SHISA6: variants seen among roughly 807,000 people sequenced by gnomAD.
SHISA6 encodes the protein shisa family member 6.
Under a neutral mutation model 47.9 loss-of-function variants are expected in SHISA6, and 22 were observed. The observed-to-expected ratio is 0.46, with a 90% confidence interval of 0.33 to 0.66. The LOEUF (loss-of-function observed/expected upper bound fraction) is 0.66. Among genes scored for constraint, SHISA6 ranks in the 30% least tolerant of loss-of-function variants. The pLI is 0.02. For missense variants in SHISA6, 680 were observed against 764.6 expected, an observed-to-expected ratio of 0.89 and a Z score of 1.30; for synonymous variants, 388 against 337.8, an observed-to-expected ratio of 1.15 and a Z score of -1.63.
At chr17:11,375,727 T>C (rs1040018975) in intron 2 of SHISA6, among the ~76,000 whole-genome samples, 18 of 152,170 alleles carry the variant, frequency 1.2e-4, no homozygotes, top group African/African-American at 3.9e-4. Context: ...CTAGGACTTC[T>C]GAATTGTGCT....
At chr17:11,260,830 G>A (rs568687511) in intron 1 of SHISA6, among the ~76,000 whole-genome samples, 8 of 151,710 alleles carry the variant, frequency 5.3e-5, no homozygotes, top group African/African-American at 1.9e-4. Context: ...TCTGCCCCCA[G>A]CCCTCCCTTT....
chr17:11,452,799 C>T (rs1020508360), intron 3 of SHISA6, among the ~76,000 whole-genome samples: 26 of 150,234 alleles, frequency 1.7e-4, no homozygotes, highest in Non-Finnish European at 1.5e-4. Flanking sequence ...CTCCCTTCAT[C>T]CTCTCTTTTT....
At chr17:11,529,492 C>T (rs1278066767) in intron 3 of SHISA6, among the ~76,000 whole-genome samples, 2 of 152,142 alleles carry the variant, frequency 1.3e-5, no homozygotes, top group Admixed American at 6.5e-5. Flanking sequence ...ACAAATTCCA[C>T]ATATACTAAG....
chr17:11,344,778 G>A (rs983417494), intron 2 of SHISA6, among the ~76,000 whole-genome samples: 2 of 152,056 alleles, frequency 1.3e-5, no homozygotes, highest in Non-Finnish European at 2.9e-5. Flanking sequence ...ATATTTATTT[G>A]CATTGGGAAC....
In SHISA6 at chr17:11,263,509, C is replaced by T. The variant is rs1429934856; in HGVS notation, c.782C>T (p.Thr261Met). The T allele has an allele frequency of 1.6e-5, 25 of 1,551,670 alleles. No homozygotes were observed. The highest frequency in any genetic ancestry group is 1.2e-4 in the East Asian group (5 of 40,904). The change falls in exon 2 of 6, where the codon ACG becomes ATG. Residue 261 changes from threonine (T) to methionine (M), a missense_variant. Physicochemically the swap from Thr to Met is moderately conservative, Grantham distance 81 (BLOSUM62 -1). Around this residue, in one of 2 missense-constraint regions of SHISA6, gnomAD observed 559 missense variants for 674.1 expected, o/e 0.83. Transcript: ENST00000441885. ...AAAAACCACTACACTCCTGTGCGTA[C>T]GGCCAAGCAGACTCCAGGTAAGTAA... Reference protein sequence around the residue: ...SSKNHYTPVRTAKQTPGHYGK... With the variant: ...SSKNHYTPVRMAKQTPGHYGK...
intron 3 of SHISA6, among the ~76,000 whole-genome samples, chr17:11,490,847 T>G (rs905002956): frequency 6.6e-6 from 1 of 152,240 alleles, no homozygotes; most frequent in African/African-American, 2.4e-5. Context: ...TTAATGACCT[T>G]TTGCCCATCT....
chr17:11,326,701 G>A (rs550869541), intron 2 of SHISA6, among the ~76,000 whole-genome samples: 20 of 152,330 alleles, frequency 1.3e-4, no homozygotes, highest in Non-Finnish European at 2.4e-4. Context: ...CAAAGTTTTT[G>A]TATCCAGACC....
chr17:11,256,489 C>T (rs562141108), intron 1 of SHISA6, among the ~76,000 whole-genome samples: 1 of 152,076 alleles, frequency 6.6e-6, no homozygotes, highest in East Asian at 1.9e-4. Context: ...GAGCGAGACT[C>T]TATCTCAAAA....
chr17:11,350,182 A>ATTTTTTTTTTTTT (rs778331945), intron 2 of SHISA6, among the ~76,000 whole-genome samples: 4 of 116,268 alleles, frequency 3.4e-5, no homozygotes, highest in African/African-American at 1.3e-4. Flanking sequence ...TTATTTATTT[A>ATTTTTTTTTTTTT]TTTTTTTTTT....
At chr17:11,524,665 T>A (rs1301839583) in intron 3 of SHISA6, among the ~76,000 whole-genome samples, 2 of 151,984 alleles carry the variant, frequency 1.3e-5, no homozygotes, top group Non-Finnish European at 2.9e-5. Flanking sequence ...CTCAGCTAAT[T>A]TTTTTGTATT....
intron 3 of SHISA6, among the ~76,000 whole-genome samples, chr17:11,412,644 C>T (rs1441040051): frequency 6.6e-6 from 1 of 151,946 alleles, no homozygotes; most frequent in African/African-American, 2.4e-5. Context: ...CAGGTTCACG[C>T]CATTCTCCTG....
intron 3 of SHISA6, among the ~76,000 whole-genome samples, chr17:11,382,134 A>G (rs1567590178): frequency 6.6e-6 from 1 of 152,020 alleles, no homozygotes; most frequent in African/African-American, 2.4e-5. Flanking sequence ...GTACAGTGGC[A>G]CAATCATAGC....
At chr17:11,373,152 G>C (rs1912682380) in intron 2 of SHISA6, among the ~76,000 whole-genome samples, 2 of 151,602 alleles carry the variant, frequency 1.3e-5, no homozygotes, top group Admixed American at 6.6e-5. Context: ...AGAAATTCTA[G>C]AGTTTTTTTT....
At chr17:11,553,017 C>T (rs1350574854) in intron 4 of SHISA6, among the ~76,000 whole-genome samples, 1 of 152,020 alleles carries the variant, frequency 6.6e-6, no homozygotes, top group Non-Finnish European at 1.5e-5. Context: ...TGATGAGAGC[C>T]AATGATGACA....
chr17:11,272,848 G>C (rs1567556661), intron 2 of SHISA6, among the ~76,000 whole-genome samples: 1 of 152,150 alleles, frequency 6.6e-6, no homozygotes, highest in Non-Finnish European at 1.5e-5. Context: ...TGAGATGTCT[G>C]GAAACAGCTA....
chr17:11,558,628 A>C lies in SHISA6; in HGVS notation c.*324A>C. On this transcript the variant is annotated 3_prime_UTR_variant, in exon 6 of 6. Coordinates refer to ENST00000441885, the MANE Select transcript of SHISA6 (RefSeq NM_207386.4). ...TTCCGTCCCGCGCCTCCTTCTCCCC[A>C]TCCGGGGGACTCAGCTGCAGGTTCT... 92 of 362,676 alleles carry C rather than the reference A, an allele frequency of 2.5e-4. No homozygotes were observed. The highest frequency in any genetic ancestry group is 3.1e-4 in the Non-Finnish European group (60 of 194,618). The allele number at this position is 362,676 out of a possible 1,614,324, so 22.5% of individuals were successfully genotyped here.
chr17:11,506,777 C>G (rs566340952), intron 3 of SHISA6, among the ~76,000 whole-genome samples: 1 of 152,324 alleles, frequency 6.6e-6, no homozygotes, highest in South Asian at 2.1e-4. Flanking sequence ...GACTCAGACC[C>G]TTCCTTTTAT....
intron 2 of SHISA6, among the ~76,000 whole-genome samples, chr17:11,330,411 C>T (rs113448819): frequency 6.6e-6 from 1 of 151,654 alleles, no homozygotes; most frequent in African/African-American, 2.4e-5. Context: ...AAGGGTAGAA[C>T]TGACATCAAG....
intron 2 of SHISA6, among the ~76,000 whole-genome samples, chr17:11,312,518 A>G (rs1315908331): frequency 6.6e-6 from 1 of 152,224 alleles, no homozygotes; most frequent in Non-Finnish European, 1.5e-5. Context: ...AAAAAGCAAA[A>G]TATACCACTC....
Sources: gnomAD v4.1 joint callset for allele counts (sites outside exome capture counted in the v4.1 genomes callset) on GRCh38, gnomAD v4.1.1 for gene constraint, gnomAD v4.1.1 regional missense constraint, MANE v1.5 for transcripts, NCBI Gene and HGNC (gene_info 2026-07-23, HGNC 2026-07-21) for gene names.